BRWD1: variants seen among roughly 807,000 people sequenced by gnomAD.
The protein encoded by BRWD1 is bromodomain and WD repeat-containing protein 1.
A neutral mutation model predicts 251.2 loss-of-function variants in BRWD1; 82 were observed. The observed-to-expected ratio is 0.33, with a 90% CI of 0.27 to 0.39. The LOEUF is 0.39. Among genes scored for constraint, BRWD1 ranks in the 10% least tolerant of loss-of-function variants. The pLI is 1.00. For missense variants in BRWD1, 2,233 were observed against 2,711.6 expected (o/e 0.82, Z 3.92); for synonymous variants, 918 against 902.8 (o/e 1.02, Z -0.30).
intron 8 of BRWD1, among the ~76,000 whole-genome samples, chr21:39,284,621 G>C (rs1190803161): frequency 6.6e-6 from 1 of 152,152 alleles, no homozygotes; most frequent in African/African-American, 2.4e-5. Flanking sequence ...CAGCCATTCT[G>C]ACTGGGGTGA....
chr21:39,305,837 C>G (rs1314294902), intron 4 of BRWD1, among the ~76,000 whole-genome samples: 9 of 146,734 alleles, frequency 6.1e-5, no homozygotes, highest in African/African-American at 2.3e-4. Flanking sequence ...GCACTCCAGC[C>G]TGGCGACGGT....
chr21:39,304,090 G>A (rs1381732891), intron 4 of BRWD1, among the ~76,000 whole-genome samples: 17 of 143,056 alleles, frequency 1.2e-4, no homozygotes, highest in Middle Eastern at 8.7e-3. Flanking sequence ...GCAGTGAGCC[G>A]AGATTTCGCC....
At chr21:39,202,847 A>G (rs554984101) in intron 37 of BRWD1, among the ~76,000 whole-genome samples, 1 of 152,330 alleles carries the variant, frequency 6.6e-6, no homozygotes, top group South Asian at 2.1e-4. Context: ...AGAGGAACCA[A>G]CATTTACGTA....
At chr21:39,230,385 A>C (rs1457752360) in intron 25 of BRWD1, among the ~76,000 whole-genome samples, 1 of 152,184 alleles carries the variant, frequency 6.6e-6, no homozygotes, top group Non-Finnish European at 1.5e-5. Context: ...ACAAAGTGCT[A>C]AGCATAGTTT....
intron 19 of BRWD1, among the ~76,000 whole-genome samples, chr21:39,255,281 G>A (rs957300371): frequency 1.3e-5 from 2 of 150,980 alleles, no homozygotes; most frequent in South Asian, 4.2e-4. Flanking sequence ...GTGTGGTGGC[G>A]GGCGCCTGTA....
rs767804246 is a variant in BRWD1 at position 39,187,042 on chromosome 21, TTCCAGGA to T, written c.*9210_*9216del. 1 of 1,566,648 alleles carries T rather than the reference TTCCAGGA, an allele frequency of 6.4e-7. No individual in the cohort carries two copies. The highest frequency in any genetic ancestry group is 2.2e-5 in the East Asian group (1 of 44,634). On this transcript the variant is annotated 3_prime_UTR_variant, in exon 41 of 41. Transcript: ENST00000342449. ...TCATAGTCACTATTGTGCATTTTCTTTCCAGGATCTGAACCCCCTTAAAAAAAGCATT... is the reference window on the plus strand; with the variant it reads ...TCATAGTCACTATTGTGCATTTTCTTTCTGAACCCCCTTAAAAAAAGCATT...
intron 12 of BRWD1, among the ~76,000 whole-genome samples, chr21:39,275,831 G>A (rs760537256): frequency 2.0e-5 from 3 of 152,074 alleles, no homozygotes; most frequent in South Asian, 2.1e-4. Context: ...TCGGGAGTTC[G>A]AGACCAGACT....
Position 39,187,933 on chromosome 21 carries a change from G to C in BRWD1, c.*8326C>G, listed in dbSNP as rs2031338030. ...CCTTTAAGGAAGCTTTTAGACGAGA[G>C]GTGAAAATTGTGAAGGGATTTGCCA... On this transcript the variant is annotated 3_prime_UTR_variant, in exon 41 of 41. Coordinates refer to ENST00000342449, the MANE Select transcript of BRWD1 (RefSeq NM_033656.4). 45 of 982,622 alleles carry C rather than the reference G, an allele frequency of 4.6e-5. No individual in the cohort carries two copies. The highest frequency in any genetic ancestry group is 5.2e-5 in the Non-Finnish European group (43 of 827,440). The allele number at this position is 982,622 out of a possible 1,614,324, so 60.9% of individuals were successfully genotyped here.
In BRWD1 at chr21:39,257,819, C is replaced by CA. The variant is rs1005299946; in HGVS notation, c.2071+667dup. On this transcript the variant is annotated intron_variant, in intron 18 of 40. Coordinates refer to ENST00000342449, the MANE Select transcript of BRWD1 (RefSeq NM_033656.4). ...AGGAATGTGTGTGTGCACACATACA[C>CA]AAAAAAAAGCAAAAGCAAGTATAGT... is the stretch of plus-strand genomic sequence containing the variant. Among the ~76,000 whole-genome samples, 16 of 150,836 alleles carry CA rather than the reference C, an allele frequency of 1.1e-4. 1 individual carries two copies. Among genetic ancestry groups the CA allele is most frequent in the Admixed American group, 7.9e-4 (12 of 15,146 alleles).
upstream of BRWD1, chr21:39,316,915 G>C (rs1195845313): frequency 6.6e-6 from 1 of 152,172 alleles, no homozygotes; most frequent in African/African-American, 2.4e-5. Flanking sequence ...CTCCAGCCTA[G>C]GCAGCAGAGC....
chr21:39,303,344 C>T (rs1049324448), intron 4 of BRWD1, among the ~76,000 whole-genome samples: 3 of 151,474 alleles, frequency 2.0e-5, no homozygotes, highest in African/African-American at 4.9e-5. Flanking sequence ...TGTGGTGAAA[C>T]CCCATTTGTA....
rs139894832 is a variant in BRWD1, at chr21:39,232,491, C to T, written c.2774G>A (p.Arg925Gln). 36 of 1,586,482 alleles carry T rather than the reference C, an allele frequency of 2.3e-5. No homozygotes were observed. The highest frequency in any genetic ancestry group is 6.9e-5 in the African/African-American group (5 of 72,960). Residue 925 changes from arginine (R) to glutamine (Q), a missense_variant, in exon 24 of 41, where the codon CGG becomes CAG. Transcript: ENST00000342449. ...TGCAAGCTCTGCTGGAGTCATCCTC[C>T]GCAAATTCTACCAAGGGGAAGAGAA... ...KENKPKKENL[R>Q]RMTPAELANM...
chr21:39,199,484 A>G lies in BRWD1; in HGVS notation c.4932T>C (p.Ser1644=). The G allele has an allele frequency of 6.8e-6, 11 of 1,614,006 alleles. No homozygotes were observed. Among genetic ancestry groups the G allele is most frequent in the Non-Finnish European group, 9.3e-6 (11 of 1,180,016 alleles). ...CAGAGCTAGAATTCTCTTCTACATC[A>G]CTCATTAGCTTTATTTTATTGGCAG... ...AVAANKIKLM[S]DVEENSSSES... Residue 1644 remains serine, a synonymous_variant, in exon 40 of 41, where the codon AGT becomes AGC. Coordinates refer to ENST00000342449, the MANE Select transcript of BRWD1 (RefSeq NM_033656.4).
intron 21 of BRWD1, among the ~76,000 whole-genome samples, chr21:39,245,994 A>G (rs2034176121): frequency 6.6e-6 from 1 of 152,238 alleles, no homozygotes; most frequent in African/African-American, 2.4e-5. Flanking sequence ...AAAATCAATC[A>G]AAGATATTAA....
intron 4 of BRWD1, 141 bp downstream of exon 4, chr21:39,312,700 C>A: frequency 4.2e-6 from 2 of 471,246 alleles, no homozygotes; most frequent in South Asian, 2.8e-5. Context: ...AATCTTCAGC[C>A]GGGAACGCAG....
intron 8 of BRWD1, among the ~76,000 whole-genome samples, chr21:39,288,885 G>A (rs1361062844): frequency 6.6e-6 from 1 of 152,154 alleles, no homozygotes; most frequent in Non-Finnish European, 1.5e-5. Flanking sequence ...GGGTGACAGA[G>A]GTGGAAGAAA....
chr21:39,267,421 C>T (rs966288499), intron 15 of BRWD1, among the ~76,000 whole-genome samples: 1 of 152,084 alleles, frequency 6.6e-6, no homozygotes, highest in African/African-American at 2.4e-5. Flanking sequence ...TGGTGAAACC[C>T]CATCTCTACT....
At chr21:39,278,694 A>T in intron 10 of BRWD1, 49 bp downstream of exon 10, 1 of 1,417,024 alleles carries the variant, frequency 7.1e-7, no homozygotes, top group Non-Finnish European at 9.6e-7. Context: ...GTCATTTAAT[A>T]GATGTTTAAA....
chr21:39,185,093 G>T (rs1351372672), downstream of BRWD1: 1 of 151,982 alleles, frequency 6.6e-6, no homozygotes, highest in Non-Finnish European at 1.5e-5. Context: ...TAAGTTTTAA[G>T]CAAATGCTTA....
Sources: gnomAD v4.1 joint callset for allele counts (sites outside exome capture counted in the v4.1 genomes callset) on GRCh38, gnomAD v4.1.1 for gene constraint, MANE v1.5 for transcripts, NCBI Gene and HGNC (gene_info 2026-07-23, HGNC 2026-07-21) for gene names.